Variants in BAHD1 observed in about 807,000 individuals in gnomAD.
The protein encoded by BAHD1 is bromo adjacent homology domain containing 1, also known as bromo adjacent homology domain-containing 1 protein.
Under a neutral mutation model 63.1 loss-of-function variants are expected in BAHD1, and 20 were observed. That is an observed-to-expected ratio of 0.32 (90% CI 0.22 to 0.46). The LOEUF (loss-of-function observed/expected upper bound fraction) is 0.46, where lower values mean the gene tolerates loss of function less well. BAHD1 is among the 20% of genes least tolerant of loss of function. BAHD1 has a pLI of 1.00. For missense variants in BAHD1, 939 were observed against 1,071.8 expected, an observed-to-expected ratio of 0.88 and a Z score of 1.73; for synonymous variants, 408 against 426.8, an observed-to-expected ratio of 0.96 and a Z score of 0.54.
intron 1 of BAHD1, among the ~76,000 whole-genome samples, chr15:40,449,178 C>CATAA (rs754135517): frequency 1.3e-5 from 2 of 152,102 alleles, no homozygotes; most frequent in Non-Finnish European, 2.9e-5. Flanking sequence ...ACAACTAGCT[C>CATAA]ATAAGGCTGT....
intron 1 of BAHD1, among the ~76,000 whole-genome samples, chr15:40,451,364 A>G (rs1235382770): frequency 6.6e-6 from 1 of 152,182 alleles, no homozygotes; most frequent in East Asian, 1.9e-4. Context: ...CCCTCAGCCA[A>G]GCTCTGAGCA....
chr15:40,452,080 C>A (rs888959927), intron 1 of BAHD1, among the ~76,000 whole-genome samples: 3 of 152,242 alleles, frequency 2.0e-5, no homozygotes, highest in African/African-American at 7.2e-5. Flanking sequence ...TGTCCTCAGC[C>A]CCTGCCACCA....
In BAHD1 at chr15:40,467,433, T is replaced by G. The variant is rs1309232707; in HGVS notation, c.*1303T>G. On this transcript the variant is annotated 3_prime_UTR_variant, in exon 7 of 7. Transcript: ENST00000416165. ...GGCCTGGTGCTGGGAACCTGCTAGCTGAGCACTTCCACAAGGGCATACCCC... is the reference window on the plus strand; with the variant it reads ...GGCCTGGTGCTGGGAACCTGCTAGCGGAGCACTTCCACAAGGGCATACCCC... 1 of 153,266 alleles carries G rather than the reference T, an allele frequency of 6.5e-6. No individual in the cohort carries two copies. The highest frequency in any genetic ancestry group is 1.5e-5 in the Non-Finnish European group (1 of 68,564). 9.5% of individuals were successfully genotyped at this position (153,266 alleles called of 1,614,324 possible).
In BAHD1 at chr15:40,463,917, G is replaced by A; in HGVS notation, c.1872G>A (p.Glu624=). Residue 624 remains glutamate, a synonymous_variant, in exon 4 of 7, where the codon GAG becomes GAA. Coordinates refer to ENST00000416165, the MANE Select transcript of BAHD1 (RefSeq NM_014952.5). The part of the protein sequence containing the change: ...KSYQAVERHG[E]TIRVRDTVLL... ...ACCAGGCGGTAGAGCGGCATGGGGA[G>A]ACAATCCGAGTCCGGGACACCGTCC... 1 of 1,614,226 alleles carries A rather than the reference G, an allele frequency of 6.2e-7. No homozygotes were observed. Among genetic ancestry groups the A allele is most frequent in the Non-Finnish European group, 8.5e-7 (1 of 1,180,044 alleles).
chr15:40,464,160 G>A, intron 4 of BAHD1, 140 bp downstream of exon 4: 1 of 1,052,510 alleles, frequency 9.5e-7, no homozygotes, highest in South Asian at 1.6e-5. Flanking sequence ...CCACTCGGCT[G>A]GGGTCTCTCT....
chr15:40,458,409 G>T lies in BAHD1; in HGVS notation c.-14-42G>T. On this transcript the variant is annotated intron_variant, in intron 1 of 6. Coordinates refer to ENST00000416165, the MANE Select transcript of BAHD1 (RefSeq NM_014952.5). The surrounding 1 kb of genome is among the most constrained non-coding windows in gnomAD (Gnocchi z 4.7). ...TGGGAGAGAAAGCAGGCAGGAGCAG[G>T]CCAGAGAGGGCTTCTCTCATTGCCC... 6.6e-7 allele frequency: 1 copy of T among 1,522,418 alleles called. No homozygotes were observed. 94.3% of individuals were successfully genotyped at this position (1,522,418 alleles called of 1,614,324 possible).
chr15:40,448,264 CA>C (rs1209883335), intron 1 of BAHD1, among the ~76,000 whole-genome samples: 2 of 151,738 alleles, frequency 1.3e-5, no homozygotes, highest in African/African-American at 2.4e-5. Flanking sequence ...AAGTTTCTTT[CA>C]AAAAAAATTT....
At chr15:40,461,594 A>T (rs1445785107) in intron 2 of BAHD1, among the ~76,000 whole-genome samples, 1 of 151,840 alleles carries the variant, frequency 6.6e-6, no homozygotes, top group Non-Finnish European at 1.5e-5. Context: ...GAGCCAAGAT[A>T]GCACCACTGC....
intron 4 of BAHD1, 158 bp from the exon 5 acceptor site, chr15:40,464,313 C>A: frequency 1.4e-6 from 1 of 691,732 alleles, no homozygotes; most frequent in Non-Finnish European, 2.5e-6. Context: ...AACAGCATTC[C>A]AGGCCTCTGA....
At chr15:40,464,193 C>A (rs894596921) in intron 4 of BAHD1, 173 bp downstream of exon 4, 1 of 816,988 alleles carries the variant, frequency 1.2e-6, no homozygotes, top group African/African-American at 1.7e-5. Flanking sequence ...TGTGGGTGAC[C>A]TTGTGGCTTG....
chr15:40,452,668 C>T (rs375811875), intron 1 of BAHD1, among the ~76,000 whole-genome samples: 1 of 152,268 alleles, frequency 6.6e-6, no homozygotes, highest in Non-Finnish European at 1.5e-5. Flanking sequence ...GCCAGCACCC[C>T]GTGCTCCCCT....
chr15:40,463,711 C>T, intron 3 of BAHD1, 150 bp from the exon 4 acceptor site: 1 of 830,944 alleles, frequency 1.2e-6, no homozygotes, highest in Non-Finnish European at 1.9e-6. Context: ...AATTCCCCAG[C>T]CCCATCCAAA....
intron 2 of BAHD1, 26 bp from the exon 3 acceptor site, chr15:40,461,886 T>A: frequency 1.9e-6 from 3 of 1,567,528 alleles, no homozygotes; most frequent in South Asian, 1.2e-5. Flanking sequence ...GCTTGTCCTG[T>A]CCTGACCACT....
Position 40,462,067 on chromosome 15 carries a change from A to G in BAHD1, c.1588A>G (p.Thr530Ala). 6.2e-7 allele frequency: 1 copy of G among 1,613,712 alleles called. No homozygotes were observed. Among genetic ancestry groups the G allele is most frequent in the South Asian group, 1.1e-5 (1 of 91,072 alleles). Reference protein sequence around the residue: ...HLQTPTSEPQTVARACPQSAK... With the variant: ...HLQTPTSEPQAVARACPQSAK... ...TCAGACACCCACCTCGGAGCCCCAG[A>G]CAGTAGCCCGTGCGTGCCCTCAGAG... Residue 530 changes from threonine to alanine, a missense_variant, in exon 3 of 7, where the codon ACA (threonine) becomes GCA (alanine). Physicochemically the swap from Thr to Ala is moderately conservative, Grantham distance 58. This residue lies in a region of BAHD1 where 797 missense variants were observed against 813.3 expected (regional missense o/e 0.98). Transcript: ENST00000416165.
chr15:40,465,649 G>T (rs1307995678), intron 6 of BAHD1, among the ~76,000 whole-genome samples: 1 of 152,220 alleles, frequency 6.6e-6, no homozygotes, highest in Non-Finnish European at 1.5e-5. Flanking sequence ...CCACACTGAG[G>T]TAGAATGGTT....
chr15:40,459,363 T>C lies in BAHD1; in HGVS notation c.899T>C (p.Leu300Pro). ...GPSVQPSHQP[L>P]SKALESPLGL... ...TCCGTCCAGCCATCTCATCAGCCCC[T>C]GAGCAAGGCTCTGGAGAGCCCTTTG... The change falls in exon 2 of 7, where the codon CTG (leucine) becomes CCG (proline). Residue 300 changes from leucine (L) to proline (P), a missense_variant. By Grantham distance (98) the Leu-to-Pro change is moderately conservative. Around this residue, in one of 5 missense-constraint regions of BAHD1, gnomAD observed 797 missense variants for 813.3 expected, o/e 0.98. Coordinates refer to ENST00000416165, the MANE Select transcript of BAHD1 (RefSeq NM_014952.5). The C allele has an allele frequency of 6.2e-7, 1 of 1,612,886 alleles. No homozygotes were observed.
intron 1 of BAHD1, among the ~76,000 whole-genome samples, chr15:40,447,607 T>TAAATAAATAAATAAATAAATAA (rs1454497799): frequency 7.3e-6 from 1 of 136,960 alleles, no homozygotes; most frequent in Non-Finnish European, 1.6e-5. Flanking sequence ...AATAAATAAA[T>TAAATAAATAAATAAATAAATAA]AAATAAAAAT....
At chr15:40,456,464 T>G (rs1220751171) in intron 1 of BAHD1, among the ~76,000 whole-genome samples, 1 of 152,208 alleles carries the variant, frequency 6.6e-6, no homozygotes, top group Non-Finnish European at 1.5e-5. Flanking sequence ...CAGTGGCAAG[T>G]CCCCGCACGT....
chr15:40,450,964 C>T (rs542903870), intron 1 of BAHD1, among the ~76,000 whole-genome samples: 2 of 151,936 alleles, frequency 1.3e-5, no homozygotes, highest in East Asian at 3.9e-4. Context: ...ATGGTGAAAA[C>T]CCGTCTCTGC....
Sources: allele counts gnomAD v4.1 joint callset (sites outside exome capture counted in the v4.1 genomes callset), GRCh38; gene constraint gnomAD v4.1.1; regional missense constraint gnomAD v4.1.1; non-coding constraint Gnocchi (gnomAD v3.1); transcripts MANE v1.5; gene names NCBI Gene and HGNC (gene_info 2026-07-23, HGNC 2026-07-21).